Variants in UBR1 observed in about 807,000 individuals in gnomAD.
The protein encoded by UBR1 is E3 ubiquitin-protein ligase UBR1.
A neutral mutation model predicts 242.1 loss-of-function variants in UBR1; 102 were observed. That is an observed-to-expected ratio of 0.42 (90% CI 0.36 to 0.50). The LOEUF (loss-of-function observed/expected upper bound fraction) is 0.50. Ranked by LOEUF, UBR1 falls within the 20% of genes least tolerant of loss-of-function variation. The pLI is 0.01. For missense variants in UBR1, 1,772 were observed against 2,101.8 expected (o/e 0.84, Z 3.07); for synonymous variants, 675 against 684.8 (o/e 0.99, Z 0.22).
intron 39 of UBR1, among the ~76,000 whole-genome samples, chr15:42,973,626 TA>T (rs776993627): frequency 6.6e-6 from 1 of 152,172 alleles, no homozygotes; most frequent in Non-Finnish European, 1.5e-5. Context: ...GTTGTTTTCT[TA>T]TTGTTGAGTG....
intron 35 of UBR1, among the ~76,000 whole-genome samples, chr15:42,986,917 C>G (rs2032470245): frequency 1.3e-5 from 2 of 152,206 alleles, no homozygotes; most frequent in African/African-American, 4.8e-5. Flanking sequence ...CTGCCTCGGC[C>G]CCTGAGCCCA....
intron 35 of UBR1, among the ~76,000 whole-genome samples, chr15:42,987,261 G>A (rs1249371618): frequency 6.6e-6 from 1 of 152,188 alleles, no homozygotes; most frequent in Non-Finnish European, 1.5e-5. Context: ...CTGGGCCAAG[G>A]CCAATGAACC....
In UBR1 at chr15:43,024,841, C is replaced by G; in HGVS notation, c.2727G>C (p.Gly909=). The change falls in exon 25 of 47, where the codon GGG becomes GGC. Residue 909 remains glycine (G), a synonymous_variant. Transcript: ENST00000290650. The part of the protein sequence containing the change: ...IDTDSNLWTE[G]MLQMAFHILA... ...CAGGTAAACAAACCATTTGGAGCATCCCTTCGGTCCACAAGTTAGAATCTG... is the reference window on the plus strand; with the variant it reads ...CAGGTAAACAAACCATTTGGAGCATGCCTTCGGTCCACAAGTTAGAATCTG... The G allele has an allele frequency of 2.5e-6, 4 of 1,614,136 alleles. No homozygotes were observed. Among genetic ancestry groups the G allele is most frequent in the Non-Finnish European group, 3.4e-6 (4 of 1,180,016 alleles).
At chr15:43,014,117 C>T (rs953087699) in intron 29 of UBR1, among the ~76,000 whole-genome samples, 12 of 152,274 alleles carry the variant, frequency 7.9e-5, no homozygotes, top group East Asian at 1.9e-4. Context: ...CTCCTAACCG[C>T]GAGTGATCCG....
chr15:43,024,102 C>T (rs2033147160), intron 25 of UBR1, among the ~76,000 whole-genome samples: 1 of 152,160 alleles, frequency 6.6e-6, no homozygotes, highest in Non-Finnish European at 1.5e-5. Context: ...ATATAGCATA[C>T]TGGGACTCAG....
intron 6 of UBR1, 25 bp downstream of exon 6, chr15:43,067,873 C>T (rs375178864): frequency 5.6e-6 from 9 of 1,613,614 alleles, no homozygotes; most frequent in South Asian, 4.4e-5. Context: ...AAAACAGAAA[C>T]GCAATTCAAA....
chr15:43,045,484 ACT>A (rs1338740147), intron 14 of UBR1, among the ~76,000 whole-genome samples: 1 of 152,036 alleles, frequency 6.6e-6, no homozygotes, highest in African/African-American at 2.4e-5. Flanking sequence ...ACACACACAC[ACT>A]CACACACACA....
At chr15:43,016,726 G>T (rs1215730857) in intron 28 of UBR1, among the ~76,000 whole-genome samples, 1 of 152,108 alleles carries the variant, frequency 6.6e-6, no homozygotes, top group African/African-American at 2.4e-5. Flanking sequence ...ACATGAGCAA[G>T]CCACCACATT....
chr15:42,984,748 G>T, intron 36 of UBR1, 139 bp downstream of exon 36: 1 of 748,532 alleles, frequency 1.3e-6, no homozygotes, highest in Non-Finnish European at 2.3e-6. Flanking sequence ...TAAGACTGAT[G>T]CAGTTCCTTT....
Position 42,960,706 on chromosome 15 carries a change from A to C in UBR1, c.4701-5T>G. The C allele has an allele frequency of 6.2e-7, 1 of 1,613,814 alleles. No homozygotes were observed. The highest frequency in any genetic ancestry group is 1.1e-5 in the South Asian group (1 of 91,068). ...AAGGCAGGATCTGCACACCACCTGT[A>C]TGTGGAGCCAAGAGAAAAGACAAAT... On this transcript the variant is annotated splice_region_variant and splice_polypyrimidine_tract_variant and intron_variant, in intron 42 of 46. Transcript: ENST00000290650.
At chr15:42,980,450 C>A (rs2032357954) in intron 37 of UBR1, among the ~76,000 whole-genome samples, 1 of 152,188 alleles carries the variant, frequency 6.6e-6, no homozygotes. Flanking sequence ...GCAAGTCATG[C>A]AACTTCCCTG....
intron 43 of UBR1, 34 bp downstream of exon 43, chr15:42,960,611 G>C: frequency 6.2e-7 from 1 of 1,607,268 alleles, no homozygotes; most frequent in South Asian, 1.1e-5. Context: ...ACAACTTGTG[G>C]ATGAGGGAGA....
chr15:43,032,670 C>T, intron 19 of UBR1, 39 bp from the exon 20 acceptor site: 1 of 1,222,936 alleles, frequency 8.2e-7, no homozygotes, highest in Non-Finnish European at 1.2e-6. Context: ...TATGGAAGAA[C>T]CAAAAACCTC....
At chr15:43,047,740 G>A (rs2033503377) in intron 13 of UBR1, among the ~76,000 whole-genome samples, 1 of 152,018 alleles carries the variant, frequency 6.6e-6, no homozygotes, top group African/African-American at 2.4e-5. Flanking sequence ...TAAGGGTGAG[G>A]GAGCCAAAAA....
chr15:43,099,797 T>C (rs1047867400), intron 1 of UBR1, among the ~76,000 whole-genome samples: 3 of 151,930 alleles, frequency 2.0e-5, no homozygotes, highest in Admixed American at 6.6e-5. Flanking sequence ...ACAGGTAACG[T>C]AGAGTACAGT....
At chr15:43,026,686 A>G in intron 22 of UBR1, 23 bp from the exon 23 acceptor site, 1 of 1,571,786 alleles carries the variant, frequency 6.4e-7, no homozygotes, top group Non-Finnish European at 8.7e-7. Flanking sequence ...AAAATACAAG[A>G]TGAACTGCAG....
chr15:43,084,161 T>C (rs1358597429), intron 2 of UBR1, among the ~76,000 whole-genome samples: 2 of 152,166 alleles, frequency 1.3e-5, no homozygotes, highest in African/African-American at 4.8e-5. Context: ...AGTAGGATTT[T>C]TCAACCTTAA....
At chr15:43,048,907 A>G (rs1220810946) in intron 12 of UBR1, among the ~76,000 whole-genome samples, 1 of 152,202 alleles carries the variant, frequency 6.6e-6, no homozygotes, top group Non-Finnish European at 1.5e-5. Context: ...GTTTTTCATA[A>G]CCCAGAACTT....
intron 24 of UBR1, among the ~76,000 whole-genome samples, 169 bp downstream of exon 24, chr15:43,025,212 C>T (rs1332830363): frequency 6.6e-6 from 1 of 152,168 alleles, no homozygotes; most frequent in Non-Finnish European, 1.5e-5. Flanking sequence ...AATTCAATCA[C>T]TACTGATATA....
Sources: allele counts gnomAD v4.1 joint callset (sites outside exome capture counted in the v4.1 genomes callset), GRCh38; gene constraint gnomAD v4.1.1; transcripts MANE v1.5; gene names NCBI Gene and HGNC (gene_info 2026-07-23, HGNC 2026-07-21).